Variants in MYO18B observed in about 807,000 individuals in gnomAD.
MYO18B encodes the protein myosin XVIIIB, also known as unconventional myosin-XVIIIb.
In MYO18B, 204 loss-of-function variants were observed where a neutral mutation model predicts 273.0. That is an observed-to-expected ratio of 0.75 (90% CI 0.67 to 0.84). The LOEUF (loss-of-function observed/expected upper bound fraction) is 0.84, where lower values mean the gene tolerates loss of function less well. Ranked by LOEUF, MYO18B falls within the 40% of genes least tolerant of loss-of-function variation. The pLI, the probability that MYO18B is intolerant of heterozygous loss-of-function variation, is 0.00. For missense variants in MYO18B, 3,212 were observed against 3,287.6 expected (o/e 0.98, Z 0.56); for synonymous variants, 1,330 against 1,305.7 (o/e 1.02, Z -0.40).
chr22:25,929,912 G>A (rs2092473653), intron 34 of MYO18B, among the ~76,000 whole-genome samples: 1 of 152,146 alleles, frequency 6.6e-6, no homozygotes, highest in Non-Finnish European at 1.5e-5. Flanking sequence ...TTCTTTGTGT[G>A]TTCAAGATCC....
In MYO18B at chr22:25,839,860, G is replaced by A. The variant is rs117263517; in HGVS notation, c.3209-3875G>A. ...CTCACCGCTCAACTGCACTGTTGGC[G>A]ACTCCTGGAAAGTCCCCTCCTGGTT... On this transcript the variant is annotated intron_variant, in intron 17 of 43. Coordinates refer to ENST00000335473, the MANE Select transcript of MYO18B (RefSeq NM_032608.7). 3.8e-4 allele frequency among the ~76,000 whole-genome samples: 58 copies of A among 152,308 alleles called. 1 individual carries two copies. The East Asian group carries it at 0.01, about 27-fold the overall frequency.
At chr22:25,774,595 G>C (rs9624893) in intron 7 of MYO18B, among the ~76,000 whole-genome samples, 47,954 of 152,062 alleles carry the variant, frequency 0.32, 7,938 homozygotes, top group Non-Finnish European at 0.33. Context: ...GCACTGGTCC[G>C]CACCCTTCCC....
chr22:25,868,499 A>G (rs1049643138), intron 22 of MYO18B, 114 bp downstream of exon 22: 2 of 849,622 alleles, frequency 2.4e-6, no homozygotes, highest in Non-Finnish European at 3.7e-6. Flanking sequence ...CTTTTTCCCA[A>G]ACTGAAGGTA....
At chr22:25,913,783 G>A (rs2092207499) in intron 33 of MYO18B, among the ~76,000 whole-genome samples, 1 of 152,060 alleles carries the variant, frequency 6.6e-6, no homozygotes, top group African/African-American at 2.4e-5. Context: ...TACGTATTTT[G>A]CAAATATCTC....
At chr22:25,866,260 T>G in intron 21 of MYO18B, among the ~76,000 whole-genome samples, 2 of 100,334 alleles carry the variant, frequency 2.0e-5, no homozygotes, top group South Asian at 2.9e-4. Context: ...AATGAGGGGG[T>G]AGTATGAGGG....
intron 21 of MYO18B, among the ~76,000 whole-genome samples, chr22:25,861,463 A>G (rs1370013381): frequency 2.0e-5 from 3 of 152,210 alleles, no homozygotes; most frequent in African/African-American, 7.2e-5. Context: ...TGATATTAGT[A>G]TAGCCACTCC....
At chr22:25,814,341 A>G (rs566573726) in intron 12 of MYO18B, among the ~76,000 whole-genome samples, 1 of 65,376 alleles carries the variant, frequency 1.5e-5, no homozygotes. Flanking sequence ...TTTTTTTGAG[A>G]CAGAGTTTCA....
chr22:25,865,232 A>G (rs545453133), intron 21 of MYO18B, among the ~76,000 whole-genome samples: 1 of 152,362 alleles, frequency 6.6e-6, no homozygotes, highest in African/African-American at 2.4e-5. Context: ...TGTATAATTT[A>G]ATACCTGCAC....
At chr22:25,841,057 G>A (rs566805082) in intron 17 of MYO18B, among the ~76,000 whole-genome samples, 29 of 152,300 alleles carry the variant, frequency 1.9e-4, no homozygotes, top group Non-Finnish European at 2.9e-4. Context: ...CCCAGGGCTC[G>A]CTGTTCATGA....
the MYO18B span, among the ~76,000 whole-genome samples, chr22:26,053,181 A>C: frequency 6.6e-6 from 1 of 152,202 alleles, no homozygotes; most frequent in East Asian, 1.9e-4. Flanking sequence ...GATTCTTTGA[A>C]TGTCACGTTC....
At chr22:25,995,717 A>T (rs1023003207) in intron 40 of MYO18B, among the ~76,000 whole-genome samples, 1 of 152,142 alleles carries the variant, frequency 6.6e-6, no homozygotes, top group Non-Finnish European at 1.5e-5. Context: ...TGTCACCCTC[A>T]TCCTAATAAG....
At chr22:25,799,408 T>A (rs2088086083) in intron 12 of MYO18B, among the ~76,000 whole-genome samples, 1 of 151,754 alleles carries the variant, frequency 6.6e-6, no homozygotes, top group African/African-American at 2.4e-5. Context: ...GGGGAGAGAG[T>A]GGGGATGAAG....
chr22:25,874,212 G>C, intron 22 of MYO18B, 74 bp from the exon 23 acceptor site: 1 of 1,576,810 alleles, frequency 6.3e-7, no homozygotes, highest in Non-Finnish European at 8.7e-7. Context: ...AGTGGGGTCT[G>C]ATTTGCAAGC....
intron 39 of MYO18B, among the ~76,000 whole-genome samples, chr22:25,960,246 TC>T (rs2092903301): frequency 6.6e-6 from 1 of 152,122 alleles, no homozygotes; most frequent in South Asian, 2.1e-4. Context: ...ATCATTCCAG[TC>T]CCTTTGTCAT....
the MYO18B span, among the ~76,000 whole-genome samples, chr22:26,059,279 C>G: frequency 1.3e-5 from 2 of 152,132 alleles, no homozygotes; most frequent in African/African-American, 2.4e-5. Context: ...GATGATGGAT[C>G]TTGGAAGCAT....
intron 16 of MYO18B, 97 bp from the exon 17 acceptor site, chr22:25,835,199 C>A: frequency 7.0e-7 from 1 of 1,425,142 alleles, no homozygotes; most frequent in Non-Finnish European, 9.3e-7. Flanking sequence ...ACACTTGGGA[C>A]TTGGATGCTC....
At chr22:25,963,083 C>T (rs1208542167) in intron 39 of MYO18B, among the ~76,000 whole-genome samples, 1 of 151,866 alleles carries the variant, frequency 6.6e-6, no homozygotes. Flanking sequence ...CCTTAGTTCT[C>T]ACTTGTCTAG....
intron 40 of MYO18B, among the ~76,000 whole-genome samples, chr22:26,002,201 G>A (rs548709044): frequency 5.4e-4 from 82 of 152,228 alleles, no homozygotes; most frequent in African/African-American, 1.9e-3. Flanking sequence ...TGTCTTTGTT[G>A]CACTACTATT....
chr22:26,052,841 C>G, the MYO18B span, among the ~76,000 whole-genome samples: 1 of 145,404 alleles, frequency 6.9e-6, no homozygotes, highest in Admixed American at 7.0e-5. Flanking sequence ...TTCGCTCTGT[C>G]GCTCAGGCTG....
Sources: allele counts gnomAD v4.1 joint callset (sites outside exome capture counted in the v4.1 genomes callset), GRCh38; gene constraint gnomAD v4.1.1; transcripts MANE v1.5; gene names NCBI Gene and HGNC (gene_info 2026-07-23, HGNC 2026-07-21).